Variants in PTPN2 observed in about 807,000 individuals in gnomAD.
PTPN2 encodes the protein tyrosine-protein phosphatase non-receptor type 2.
PTPN2 carries 19 observed loss-of-function variants against 57.3 expected under a neutral mutation model. That is an observed-to-expected ratio of 0.33 (90% confidence interval 0.23 to 0.49). The LOEUF is 0.49. Ranked by LOEUF, PTPN2 falls within the 20% of genes least tolerant of loss-of-function variation. PTPN2 has a pLI of 0.99. For missense variants in PTPN2, 358 were observed against 501.1 expected (o/e 0.71, Z 2.73); for synonymous variants, 153 against 164.9 (o/e 0.93, Z 0.55).
chr18:12,823,859 G>C (rs947469328), intron 5 of PTPN2, among the ~76,000 whole-genome samples: 12 of 152,146 alleles, frequency 7.9e-5, no homozygotes, highest in Admixed American at 7.9e-4. Flanking sequence ...TGATATATAT[G>C]TGAAAGCATT....
downstream of PTPN2, chr18:12,788,105 G>T (rs2040887352): frequency 6.5e-6 from 1 of 154,770 alleles, no homozygotes; most frequent in Admixed American, 6.5e-5. Context: ...CAAAATAACT[G>T]AAGTTTTTAA....
In PTPN2 at chr18:12,850,776, G is replaced by A. The variant is rs1278314588; in HGVS notation, c.160+8388C>T. Among the ~76,000 whole-genome samples, 6 of 151,278 alleles carry A rather than the reference G, an allele frequency of 4.0e-5. No individual in the cohort carries two copies. In the East Asian group the frequency reaches 7.8e-4, roughly 20 times the overall value. ...TTTTTTGAGACAGAGTTTCGCTCTC[G>A]TTGCCCAGGCTGGAGTGCAGTGGCA... On this transcript the variant is annotated intron_variant, in intron 2 of 8. Coordinates refer to ENST00000309660, the MANE Select transcript of PTPN2 (RefSeq NM_002828.4).
chr18:12,839,675 A>G (rs2042980932), intron 2 of PTPN2: 1 of 152,234 alleles, frequency 6.6e-6, no homozygotes, highest in Non-Finnish European at 1.5e-5. Flanking sequence ...AGAACTATCA[A>G]GAACATACAC....
downstream of PTPN2, among the ~76,000 whole-genome samples, chr18:12,788,424 G>T (rs1261379512): frequency 7.4e-6 from 1 of 135,602 alleles, no homozygotes; most frequent in Non-Finnish European, 1.5e-5. Flanking sequence ...CAGAGAGGGG[G>T]ATCAGGGCTT....
intron 7 of PTPN2, among the ~76,000 whole-genome samples, chr18:12,804,288 T>TAAAAAAAAAAA: frequency 1.3e-4 from 1 of 7,618 alleles, no homozygotes; most frequent in Non-Finnish European, 3.8e-4. Context: ...TGAAACTGTC[T>TAAAAAAAAAAA]CAAAAAAAAA....
At chr18:12,858,514 A>G (rs1235082707) in intron 2 of PTPN2, among the ~76,000 whole-genome samples, 1 of 151,598 alleles carries the variant, frequency 6.6e-6, no homozygotes, top group East Asian at 1.9e-4. Flanking sequence ...TATGCAAAAG[A>G]GTGGTATATC....
At chr18:12,824,160 A>C (rs2042366719) in intron 5 of PTPN2, among the ~76,000 whole-genome samples, 1 of 152,250 alleles carries the variant, frequency 6.6e-6, no homozygotes, top group Non-Finnish European at 1.5e-5. Context: ...GCAGTTTAAG[A>C]CACATGTAAA....
At chr18:12,864,029 G>A (rs1424659150) in intron 1 of PTPN2, 1 of 152,078 alleles carries the variant, frequency 6.6e-6, no homozygotes, top group Admixed American at 6.5e-5. Context: ...TGAATAAATC[G>A]TGGTACATCC....
chr18:12,815,945 A>G (rs1018401673), intron 6 of PTPN2, among the ~76,000 whole-genome samples: 1 of 152,198 alleles, frequency 6.6e-6, no homozygotes, highest in African/African-American at 2.4e-5. Context: ...ACTGCAATGA[A>G]GCATAGCTAC....
chr18:12,826,548 T>G (rs1444082201), intron 4 of PTPN2, among the ~76,000 whole-genome samples: 1 of 152,212 alleles, frequency 6.6e-6, no homozygotes, highest in Non-Finnish European at 1.5e-5. Flanking sequence ...AGGCAAGCAC[T>G]GATCCATTTT....
At chr18:12,884,000 G>A in intron 1 of PTPN2, 73 bp downstream of exon 1, 7 of 1,337,844 alleles carry the variant, frequency 5.2e-6, no homozygotes, top group Non-Finnish European at 5.1e-6. Context: ...GGAGGCGGGA[G>A]GGACCCTGCG....
At position 12,870,422 on chromosome 18, in the gene PTPN2, TATAC is replaced by T. The variant is rs1189544557; in HGVS notation, c.70-11172_70-11169del. The stretch of plus-strand genomic sequence containing the variant: ...ATATACACGTATATATATGTATATA[TATAC>T]GTATATATATATGTGTATATATATA... On this transcript the variant is annotated intron_variant, in intron 1 of 8. Coordinates refer to ENST00000309660, the MANE Select transcript of PTPN2 (RefSeq NM_002828.4). 7.1e-4 allele frequency among the ~76,000 whole-genome samples: 38 copies of T among 53,358 alleles called. 6 individuals carry two copies. The highest frequency in any genetic ancestry group is 6.2e-3 in the African/African-American group (35 of 5,626). 35.0% of individuals were successfully genotyped at this position (53,358 alleles called of 152,430 possible). A position where few individuals can be genotyped will look rare whatever the true frequency, so the allele number is the denominator to read the frequency against.
intron 7 of PTPN2, among the ~76,000 whole-genome samples, chr18:12,805,569 T>C (rs2041615497): frequency 6.6e-6 from 1 of 151,774 alleles, no homozygotes; most frequent in Admixed American, 6.6e-5. Flanking sequence ...ATAGTTAATA[T>C]CATACTGAAC....
intron 7 of PTPN2, among the ~76,000 whole-genome samples, chr18:12,803,659 A>G (rs568533064): frequency 2.0e-5 from 3 of 152,346 alleles, no homozygotes; most frequent in South Asian, 2.1e-4. Context: ...CAAAGGGGTC[A>G]GTTCAGCAGG....
intron 7 of PTPN2, among the ~76,000 whole-genome samples, chr18:12,810,472 G>A (rs11663472): frequency 0.29 from 44,374 of 152,048 alleles, 7,428 homozygotes; most frequent in Admixed American, 0.4. Flanking sequence ...TAGAGATGGG[G>A]TCTTACTCTG....
chr18:12,871,850 C>G (rs1015494192), intron 1 of PTPN2, among the ~76,000 whole-genome samples: 1 of 152,022 alleles, frequency 6.6e-6, no homozygotes, highest in Non-Finnish European at 1.5e-5. Context: ...GAGTTCAAGA[C>G]CAGCCTGGCC....
chr18:12,843,615 G>A (rs113755808), intron 2 of PTPN2, among the ~76,000 whole-genome samples: 4 of 152,090 alleles, frequency 2.6e-5, no homozygotes, highest in Non-Finnish European at 4.4e-5. Context: ...GATCAGCTCC[G>A]CTGGTGGAGG....
At chr18:12,806,543 T>C (rs1382496773) in intron 7 of PTPN2, among the ~76,000 whole-genome samples, 2 of 152,160 alleles carry the variant, frequency 1.3e-5, no homozygotes, top group African/African-American at 4.8e-5. Context: ...GACCTCAAAA[T>C]ATACTACAAA....
chr18:12,841,695 A>G (rs1289202179), intron 2 of PTPN2, among the ~76,000 whole-genome samples: 1 of 152,252 alleles, frequency 6.6e-6, no homozygotes, highest in Non-Finnish European at 1.5e-5. Flanking sequence ...GGACAATGTC[A>G]CTAATTAAAT....
Sources: allele counts gnomAD v4.1 joint callset (sites outside exome capture counted in the v4.1 genomes callset), GRCh38; gene constraint gnomAD v4.1.1; transcripts MANE v1.5; gene names NCBI Gene and HGNC (gene_info 2026-07-23, HGNC 2026-07-21).